The following TBC1D4 variants were observed in gnomAD, a reference collection of about 807,000 sequenced individuals.
The protein encoded by TBC1D4 is TBC1 domain family member 4.
In TBC1D4, 121 loss-of-function variants were observed where a neutral mutation model predicts 142.5. The ratio of observed to expected loss-of-function variants is 0.85; its 90% confidence interval spans 0.73 to 0.99. The LOEUF (loss-of-function observed/expected upper bound fraction) is 0.99, where lower values mean the gene tolerates loss of function less well. Among genes scored for constraint, TBC1D4 ranks in the 50% least tolerant of loss-of-function variants. The probability of loss-of-function intolerance (pLI) is 0.00; values close to 1 mark genes in which losing one functional copy is unlikely to be tolerated. For missense variants in TBC1D4, 1,475 were observed against 1,606.6 expected, an observed-to-expected ratio of 0.92 and a Z score of 1.40; for synonymous variants, 630 against 628.2, an observed-to-expected ratio of 1.00 and a Z score of -0.04.
intron 1 of TBC1D4, among the ~76,000 whole-genome samples, chr13:75,386,838 G>A (rs1434487237): frequency 1.3e-5 from 2 of 151,982 alleles, no homozygotes; most frequent in African/African-American, 4.8e-5. Flanking sequence ...TTTTGAATAC[G>A]CAGACTCATT....
chr13:75,380,731 A>G (rs559739471), intron 1 of TBC1D4, among the ~76,000 whole-genome samples: 1 of 152,232 alleles, frequency 6.6e-6, no homozygotes, highest in South Asian at 2.1e-4. Flanking sequence ...ACCACCTCCT[A>G]TGGGAGTCCT....
At chr13:75,377,420 CT>C (rs1328234695) in intron 1 of TBC1D4, 1 of 152,018 alleles carries the variant, frequency 6.6e-6, no homozygotes, top group Non-Finnish European at 1.5e-5. Context: ...ATGCTTGTTT[CT>C]AGAAGAAAAT....
intron 10 of TBC1D4, 37 bp from the exon 11 acceptor site, chr13:75,324,438 A>G: frequency 2.5e-6 from 4 of 1,609,702 alleles, no homozygotes; most frequent in African/African-American, 1.3e-5. Flanking sequence ...GTCTTAATTT[A>G]TATTTTGACA....
chr13:75,392,255 C>T lies in TBC1D4; in HGVS notation c.499-29648G>A, dbSNP rs1036377057. Among the ~76,000 whole-genome samples, 7 of 152,206 alleles carry T rather than the reference C, an allele frequency of 4.6e-5. No homozygotes were observed. The South Asian group carries it at 1.2e-3, about 27-fold the overall frequency. On this transcript the variant is annotated intron_variant, in intron 1 of 20. Coordinates refer to ENST00000377636, the MANE Select transcript of TBC1D4 (RefSeq NM_014832.5). Reference sequence around the variant, plus strand: ...GCACACAAAATAAATGCAAAAATCACCCTATTTTAAAGTTCAAACAGTATG... The same window carrying T: ...GCACACAAAATAAATGCAAAAATCATCCTATTTTAAAGTTCAAACAGTATG...
At chr13:75,322,337 A>G (rs2137989625) in intron 11 of TBC1D4, among the ~76,000 whole-genome samples, 1 of 152,346 alleles carries the variant, frequency 6.6e-6, no homozygotes, top group African/African-American at 2.4e-5. Context: ...AAAGTTTGCC[A>G]TATATTTCAA....
At chr13:75,392,545 T>C (rs569921492) in intron 1 of TBC1D4, among the ~76,000 whole-genome samples, 1 of 152,088 alleles carries the variant, frequency 6.6e-6, no homozygotes, top group East Asian at 1.9e-4. Context: ...ACTGAAGACA[T>C]TTTCCTTTCC....
intron 14 of TBC1D4, among the ~76,000 whole-genome samples, chr13:75,307,737 C>T (rs1191396076): frequency 6.6e-6 from 1 of 152,200 alleles, no homozygotes; most frequent in Non-Finnish European, 1.5e-5. Context: ...AAAATTCCTA[C>T]TTAAAAGTCC....
rs1474222416 is a variant in TBC1D4 at position 75,481,724 on chromosome 13, G to A, written c.44C>T (p.Pro15Leu). 4 of 1,596,730 alleles carry A rather than the reference G, an allele frequency of 2.5e-6. No individual in the cohort carries two copies. The highest frequency in any genetic ancestry group is 3.4e-6 in the Non-Finnish European group (4 of 1,173,892). ...SCIQDEPFPH[P>L]LEPEPGVSAQ... ...TGAGACGCCCGGCTCGGGCTCCAGG[G>A]GGTGCGGGAACGGCTCATCCTGAAT... Residue 15 changes from proline (P) to leucine (L), a missense_variant, in exon 1 of 21, where the codon CCC (proline) becomes CTC (leucine). Transcript: ENST00000377636.
At position 75,362,307 on chromosome 13, in the gene TBC1D4, G is replaced by C. The variant is rs1482758986; in HGVS notation, c.799C>G (p.Leu267Val). 6.2e-7 allele frequency: 1 copy of C among 1,613,970 alleles called. No homozygotes were observed. Among genetic ancestry groups the C allele is most frequent in the Admixed American group, 1.7e-5 (1 of 60,024 alleles). The part of the protein sequence containing the change: ...VVVPGSPGDC[L>V]PEEADGTDTH... ...TCGGTGCCGTCAGCCTCCTCCGGCA[G>C]GCAGTCTCCGGGGGACCCGGGCACC... Residue 267 changes from leucine to valine, a missense_variant, in exon 2 of 21, where the codon CTG (leucine) becomes GTG (valine). Physicochemically the swap from Leu to Val is conservative, Grantham distance 32. Transcript: ENST00000377636. This position sits in a 1 kb window ranked among gnomAD's most constrained non-coding sequence, Gnocchi z 4.2.
intron 1 of TBC1D4, among the ~76,000 whole-genome samples, chr13:75,446,802 C>T (rs1360605828): frequency 6.6e-6 from 1 of 152,052 alleles, no homozygotes; most frequent in Non-Finnish European, 1.5e-5. Flanking sequence ...AAATATTTGA[C>T]CTCTACTACT....
At chr13:75,331,895 T>C (rs2138035601) in intron 8 of TBC1D4, among the ~76,000 whole-genome samples, 1 of 151,356 alleles carries the variant, frequency 6.6e-6, no homozygotes, top group South Asian at 2.1e-4. Flanking sequence ...CCCCTTTTGC[T>C]ATGTAACCTT....
At chr13:75,382,455 C>T (rs1047034685) in intron 1 of TBC1D4, among the ~76,000 whole-genome samples, 9 of 152,282 alleles carry the variant, frequency 5.9e-5, no homozygotes, top group Non-Finnish European at 1.5e-5. Context: ...ACAAAACTTT[C>T]TTTTCGAGCT....
intron 8 of TBC1D4, among the ~76,000 whole-genome samples, chr13:75,329,010 G>T (rs771348196): frequency 6.6e-6 from 1 of 151,872 alleles, no homozygotes; most frequent in African/African-American, 2.4e-5. Context: ...TTATCCTACC[G>T]TTCCTTAAGC....
At chr13:75,395,065 T>C (rs1384840581) in intron 1 of TBC1D4, among the ~76,000 whole-genome samples, 1 of 152,186 alleles carries the variant, frequency 6.6e-6, no homozygotes, top group African/African-American at 2.4e-5. Flanking sequence ...GCAGTGTGTG[T>C]GAAATCAAAA....
chr13:75,377,586 A>G (rs1351469969), intron 1 of TBC1D4, among the ~76,000 whole-genome samples: 8 of 151,774 alleles, frequency 5.3e-5, no homozygotes, highest in Admixed American at 1.3e-4. Flanking sequence ...CAAAAACAAG[A>G]CATTCGGTTA....
At chr13:75,344,795 A>G (rs1371110772) in intron 5 of TBC1D4, among the ~76,000 whole-genome samples, 1 of 152,218 alleles carries the variant, frequency 6.6e-6, no homozygotes, top group Non-Finnish European at 1.5e-5. Flanking sequence ...TTAAAAATAG[A>G]ACTCAATGCA....
Position 75,379,138 on chromosome 13 carries a change from C to T in TBC1D4, c.499-16531G>A, listed in dbSNP as rs369202139. ...CCTCAGAAACTTCTACAAAGATCTT[C>T]TATAAATTGCTACATGATAAACAAG... On this transcript the variant is annotated intron_variant, in intron 1 of 20. Coordinates refer to ENST00000377636, the MANE Select transcript of TBC1D4 (RefSeq NM_014832.5). Among the ~76,000 whole-genome samples the T allele has an allele frequency of 7.2e-5, 11 of 152,124 alleles. No homozygotes were observed. The East Asian group carries it at 1.9e-3, about 27-fold the overall frequency.
At chr13:75,468,414 G>A (rs568095990) in intron 1 of TBC1D4, among the ~76,000 whole-genome samples, 1 of 152,070 alleles carries the variant, frequency 6.6e-6, no homozygotes, top group Non-Finnish European at 1.5e-5. Flanking sequence ...GGATATATTT[G>A]TAAAATCATT....
At chr13:75,352,240 A>G (rs943965247) in intron 4 of TBC1D4, among the ~76,000 whole-genome samples, 4 of 152,194 alleles carry the variant, frequency 2.6e-5, no homozygotes, top group Non-Finnish European at 5.9e-5. Flanking sequence ...AATATACTCA[A>G]TATCAGATGT....
Sources: allele counts gnomAD v4.1 joint callset (sites outside exome capture counted in the v4.1 genomes callset), GRCh38; gene constraint gnomAD v4.1.1; non-coding constraint Gnocchi (gnomAD v3.1); transcripts MANE v1.5; gene names NCBI Gene and HGNC (gene_info 2026-07-23, HGNC 2026-07-21).